Variants in NOS1 observed in about 807,000 individuals in gnomAD.
The protein encoded by NOS1 is nitric oxide synthase 1, also known as NOS type I.
NOS1 carries 51 observed loss-of-function variants against 164.5 expected under a neutral mutation model. The ratio of observed to expected loss-of-function variants is 0.31; its 90% CI spans 0.25 to 0.39. The LOEUF (loss-of-function observed/expected upper bound fraction) is 0.39, where lower values mean the gene tolerates loss of function less well. Among genes scored for constraint, NOS1 ranks in the 10% least tolerant of loss-of-function variants. The pLI, the probability that NOS1 is intolerant of heterozygous loss-of-function variation, is 1.00. For synonymous variants in NOS1, 719 were observed against 745.8 expected, an observed-to-expected ratio of 0.96 and a Z score of 0.59; for missense variants, 1,362 against 1,885.6, an observed-to-expected ratio of 0.72 and a Z score of 5.14.
In NOS1 at chr12:117,215,042, C is replaced by T. The variant is rs924755469; in HGVS notation, c.*267G>A. On this transcript the variant is annotated 3_prime_UTR_variant, in exon 29 of 29. Coordinates refer to ENST00000317775, the MANE Select transcript of NOS1 (RefSeq NM_000620.5). ...GTGGTTTCATGCACCCGTGAGTTGC[C>T]CTTGTCGGCAAGAGAGGGAGTGGGA... 8.4e-6 allele frequency: 10 copies of T among 1,191,990 alleles called. No homozygotes were observed. The African/African-American group carries it at 1.4e-4, about 17-fold the overall frequency. 73.8% of individuals were successfully genotyped at this position (1,191,990 alleles called of 1,614,324 possible).
At chr12:117,336,047 G>A (rs1253315505) in intron 1 of NOS1, among the ~76,000 whole-genome samples, 3 of 151,912 alleles carry the variant, frequency 2.0e-5, no homozygotes, top group African/African-American at 7.3e-5. Context: ...GGATGGATAA[G>A]GCAGATGAGG....
At chr12:117,250,014 T>C (rs1870962217) in intron 17 of NOS1, among the ~76,000 whole-genome samples, 1 of 152,026 alleles carries the variant, frequency 6.6e-6, no homozygotes, top group Non-Finnish European at 1.5e-5. Flanking sequence ...CTTAACCTAC[T>C]CCATACAGGA....
At chr12:117,258,918 T>C in intron 15 of NOS1, 108 bp downstream of exon 15, 1 of 714,340 alleles carries the variant, frequency 1.4e-6, no homozygotes, top group African/African-American at 1.8e-5. Context: ...TTTCAGGCTC[T>C]GGGAGGGTTT....
intron 3 of NOS1, among the ~76,000 whole-genome samples, chr12:117,303,041 G>A (rs1021248885): frequency 3.3e-5 from 5 of 152,246 alleles, no homozygotes; most frequent in Admixed American, 3.3e-4. Context: ...CCACCGCGCT[G>A]GGCCACTGTT....
At chr12:117,326,160 C>T (rs1289276332) in intron 2 of NOS1, among the ~76,000 whole-genome samples, 5 of 151,874 alleles carry the variant, frequency 3.3e-5, no homozygotes, top group Admixed American at 6.6e-5. Context: ...CCGAGACGGG[C>T]GGATCACCTG....
At chr12:117,317,825 T>C (rs956778129) in intron 2 of NOS1, among the ~76,000 whole-genome samples, 9 of 152,078 alleles carry the variant, frequency 5.9e-5, no homozygotes, top group African/African-American at 2.2e-4. Context: ...TGGTCACATT[T>C]GGTGGTTCTC....
Position 117,253,751 on chromosome 12 carries a change from G to T in NOS1, c.2535C>A (p.Ser845Arg), listed in dbSNP as rs1478191358. The T allele has an allele frequency of 1.2e-6, 2 of 1,612,248 alleles. No individual in the cohort carries two copies. The highest frequency in any genetic ancestry group is 1.7e-6 in the Non-Finnish European group (2 of 1,178,466). The change falls in exon 17 of 29, where the codon AGC becomes AGA. Residue 845 changes from serine to arginine, a missense_variant. Physicochemically the swap from Ser to Arg is moderately radical, Grantham distance 110. This residue lies in a region of NOS1 where 737 missense variants were observed against 1,030.3 expected (regional missense o/e 0.72). Coordinates refer to ENST00000317775, the MANE Select transcript of NOS1 (RefSeq NM_000620.5). ...AGACGCTGTTGAATCGGACCTTGTA[G>T]CTCCTGCCAAAACCAAAGAGAACCT... ...HPNSVQEERK[S>R]YKVRFNSVSS... is the part of the protein sequence containing the mutation.
chr12:117,332,395 G>A (rs1468905201), intron 1 of NOS1, among the ~76,000 whole-genome samples: 2 of 152,104 alleles, frequency 1.3e-5, no homozygotes, highest in Non-Finnish European at 2.9e-5. Context: ...ATTTGACCTG[G>A]AGCCTGAGCT....
intron 2 of NOS1, 66 bp from the exon 3 acceptor site, chr12:117,311,658 T>C: frequency 6.5e-7 from 1 of 1,544,936 alleles, no homozygotes; most frequent in Non-Finnish European, 8.8e-7. Context: ...TGCTTTGACC[T>C]GGAAGTCCTG....
At chr12:117,332,734 G>A (rs1262982579) in intron 1 of NOS1, among the ~76,000 whole-genome samples, 4 of 152,132 alleles carry the variant, frequency 2.6e-5, no homozygotes, top group Admixed American at 6.5e-5. Flanking sequence ...GTGTGGTGGC[G>A]GGTGCCTGTA....
Position 117,211,395 on chromosome 12 carries a change from C to G in NOS1, c.*3914G>C. 1 of 985,482 alleles carries G rather than the reference C, an allele frequency of 1.0e-6. No homozygotes were observed. The allele number at this position is 985,482 out of a possible 1,614,324, so 61.0% of individuals were successfully genotyped here. Reference sequence around the variant, plus strand: ...CTCAAGCCTTGGTTGCAGCAATAACCCCCCCAACAGCTCAACGGGCCATGC... The same window carrying G: ...CTCAAGCCTTGGTTGCAGCAATAACGCCCCCAACAGCTCAACGGGCCATGC... On this transcript the variant is annotated 3_prime_UTR_variant, in exon 29 of 29. Coordinates refer to ENST00000317775, the MANE Select transcript of NOS1 (RefSeq NM_000620.5).
intron 3 of NOS1, among the ~76,000 whole-genome samples, chr12:117,294,920 C>T (rs1218417321): frequency 6.6e-6 from 1 of 152,152 alleles, no homozygotes; most frequent in Non-Finnish European, 1.5e-5. Context: ...GCCTAGGAAG[C>T]TTGCAGAGGC....
chr12:117,302,481 C>T (rs548508758), intron 3 of NOS1, among the ~76,000 whole-genome samples: 211 of 151,240 alleles, frequency 1.4e-3, no homozygotes, highest in Non-Finnish European at 2.7e-3. Flanking sequence ...GTAGTCCCAG[C>T]TACGCGGGAG....
intron 13 of NOS1, among the ~76,000 whole-genome samples, chr12:117,262,801 A>C (rs2135983113): frequency 6.6e-6 from 1 of 152,186 alleles, no homozygotes; most frequent in East Asian, 1.9e-4. Context: ...ATCCCCGTTA[A>C]ATCAACTTAG....
intron 17 of NOS1, among the ~76,000 whole-genome samples, chr12:117,249,802 G>C (rs1006605690): frequency 6.6e-6 from 1 of 152,080 alleles, no homozygotes; most frequent in Non-Finnish European, 1.5e-5. Context: ...GTCCTAGATG[G>C]CTCCTGTAGG....
intron 5 of NOS1, among the ~76,000 whole-genome samples, chr12:117,287,586 G>A (rs1188027673): frequency 1.3e-5 from 2 of 151,974 alleles, no homozygotes; most frequent in East Asian, 3.9e-4. Context: ...TTATAGGTGT[G>A]CACCACCATG....
rs34385734 is a variant in NOS1, at chr12:117,243,548, A to ACCAT, written c.2824-117_2824-114dup. ...ATTCACCCATCCATCCATCTATCCA[A>ACCAT]CCATCCATCCATCCATCCATCCATC... On this transcript the variant is annotated intron_variant, in intron 18 of 28. Transcript: ENST00000317775. The surrounding 1 kb of genome is among the most constrained non-coding windows in gnomAD (Gnocchi z 4.3). The ACCAT allele has an allele frequency of 0.65, 383,170 of 587,318 alleles. 149,232 individuals are homozygous for ACCAT. Among genetic ancestry groups the ACCAT allele is most frequent in the Admixed American group, 0.71 (22,224 of 31,200 alleles). 36.4% of individuals were successfully genotyped at this position (587,318 alleles called of 1,614,324 possible). A position where few individuals can be genotyped will look rare whatever the true frequency, so the allele number is the denominator to read the frequency against.
chr12:117,259,337 G>A (rs1212191352), intron 14 of NOS1, among the ~76,000 whole-genome samples: 2 of 152,176 alleles, frequency 1.3e-5, no homozygotes, highest in Non-Finnish European at 2.9e-5. Context: ...AGAACTAAAC[G>A]CTTTTTGGTA....
At chr12:117,280,189 A>G (rs1206579320) in intron 8 of NOS1, among the ~76,000 whole-genome samples, 1 of 152,230 alleles carries the variant, frequency 6.6e-6, no homozygotes, top group African/African-American at 2.4e-5. Flanking sequence ...GGTGGCTTTT[A>G]TGAATTGACT....
Sources: gnomAD v4.1 joint callset for allele counts (sites outside exome capture counted in the v4.1 genomes callset) on GRCh38, gnomAD v4.1.1 for gene constraint, gnomAD v4.1.1 regional missense constraint, Gnocchi (gnomAD v3.1) non-coding constraint, MANE v1.5 for transcripts, NCBI Gene and HGNC (gene_info 2026-07-23, HGNC 2026-07-21) for gene names.